ME3: variants seen among roughly 807,000 people sequenced by gnomAD.
The protein encoded by ME3 is malic enzyme 3, also known as NADP-dependent malic enzyme, mitochondrial.
Under a neutral mutation model 68.9 loss-of-function variants are expected in ME3, and 48 were observed. The ratio of observed to expected loss-of-function variants is 0.70; its 90% CI spans 0.55 to 0.89. ME3 has a LOEUF of 0.89. Among genes scored for constraint, ME3 ranks in the 40% least tolerant of loss-of-function variants. The pLI is 0.00. For synonymous variants in ME3, 320 were observed against 318.8 expected (o/e 1.00, Z -0.04); for missense variants, 675 against 797.4 (o/e 0.85, Z 1.85).
chr11:86,643,045 T>C (rs73528005), intron 2 of ME3, among the ~76,000 whole-genome samples: 104 of 152,342 alleles, frequency 6.8e-4, no homozygotes, highest in African/African-American at 2.4e-3. Context: ...ACTGCTGTTA[T>C]GGAGCTCAAG....
At chr11:86,646,706 A>C (rs936052376) in intron 2 of ME3, among the ~76,000 whole-genome samples, 6 of 152,196 alleles carry the variant, frequency 3.9e-5, no homozygotes, top group African/African-American at 1.2e-4. Flanking sequence ...AGAGAACAAA[A>C]CTAAGATAAT....
Position 86,450,479 on chromosome 11 carries a change from A to T in ME3, c.920-81T>A. On this transcript the variant is annotated intron_variant, in intron 8 of 14. Transcript: ENST00000543262. ...GAAGACCCTTGGCAGAGTTCCCCAC[A>T]TCTGGGACTGTGGAGGAACAGGCAA... The T allele has an allele frequency of 4.3e-6, 5 of 1,168,732 alleles. No homozygotes were observed. The South Asian group carries it at 6.5e-5, about 15-fold the overall frequency. 72.4% of individuals were successfully genotyped at this position (1,168,732 alleles called of 1,614,324 possible). A position where few individuals can be genotyped will look rare whatever the true frequency, so the allele number is the denominator to read the frequency against.
intron 2 of ME3, among the ~76,000 whole-genome samples, chr11:86,639,529 C>T (rs1193655740): frequency 7.1e-6 from 1 of 141,226 alleles, no homozygotes; most frequent in Non-Finnish European, 1.5e-5. Context: ...CCTTCCAAAG[C>T]AAGGGTTCAG....
downstream of ME3, among the ~76,000 whole-genome samples, chr11:86,439,771 T>C (rs975117894): frequency 6.6e-6 from 1 of 152,240 alleles, no homozygotes; most frequent in Admixed American, 6.5e-5. Context: ...TTGTTTTCTC[T>C]ACTATTGTTT....
At chr11:86,518,215 T>G (rs1954025869) in intron 4 of ME3, among the ~76,000 whole-genome samples, 1 of 151,394 alleles carries the variant, frequency 6.6e-6, no homozygotes. Flanking sequence ...TTGAAAACAC[T>G]TGGAGAAATT....
chr11:86,661,209 A>C (rs1274047816), intron 2 of ME3, among the ~76,000 whole-genome samples: 3 of 152,266 alleles, frequency 2.0e-5, no homozygotes, highest in Non-Finnish European at 4.4e-5. Flanking sequence ...GGAAAGAGCC[A>C]TGACTACTAC....
chr11:86,515,771 G>A (rs1300791716), intron 4 of ME3, among the ~76,000 whole-genome samples: 1 of 152,114 alleles, frequency 6.6e-6, no homozygotes, highest in Non-Finnish European at 1.5e-5. Context: ...AGCTGGGTCT[G>A]TTTCAATCTT....
At chr11:86,488,674 C>A (rs1178555389) in intron 6 of ME3, among the ~76,000 whole-genome samples, 2 of 152,184 alleles carry the variant, frequency 1.3e-5, no homozygotes, top group African/African-American at 2.4e-5. Flanking sequence ...TCCTGCCACC[C>A]CTACACAGAG....
At chr11:86,666,790 A>G (rs1030862957) in intron 2 of ME3, among the ~76,000 whole-genome samples, 3 of 152,222 alleles carry the variant, frequency 2.0e-5, no homozygotes, top group Non-Finnish European at 4.4e-5. Flanking sequence ...GAGAAGATAT[A>G]TTATGTAATC....
At chr11:86,458,400 C>T (rs1950053931) in intron 8 of ME3, among the ~76,000 whole-genome samples, 1 of 152,204 alleles carries the variant, frequency 6.6e-6, no homozygotes, top group Non-Finnish European at 1.5e-5. Flanking sequence ...CTCTAGAGGG[C>T]ACTTCTCTGG....
intron 2 of ME3, among the ~76,000 whole-genome samples, chr11:86,606,453 G>A (rs560946343): frequency 2.6e-5 from 4 of 152,288 alleles, no homozygotes; most frequent in Admixed American, 2.6e-4. Context: ...CAGAACACTG[G>A]CCCTGACCCT....
In ME3 at chr11:86,506,400, C is replaced by T. The variant is rs79252725; in HGVS notation, c.543+2392G>A. 5.6e-3 allele frequency among the ~76,000 whole-genome samples: 849 copies of T among 152,274 alleles called. 7 individuals are homozygous for T. The highest frequency in any genetic ancestry group is 0.019 in the African/African-American group (809 of 41,542). ...ACATCTTGGTTTCCCAACCACAATACGAAGCAATTTGAGGGCAGAGTCCAT... is the reference window on the plus strand; with the variant it reads ...ACATCTTGGTTTCCCAACCACAATATGAAGCAATTTGAGGGCAGAGTCCAT... On this transcript the variant is annotated intron_variant, in intron 5 of 14. Transcript: ENST00000543262.
chr11:86,473,876 A>G (rs568963400), intron 7 of ME3, among the ~76,000 whole-genome samples: 6 of 152,230 alleles, frequency 3.9e-5, no homozygotes, highest in Non-Finnish European at 8.8e-5. Context: ...AATCATAGGA[A>G]CGACTGTTTG....
At chr11:86,518,534 G>C (rs1470746895) in intron 4 of ME3, among the ~76,000 whole-genome samples, 1 of 152,116 alleles carries the variant, frequency 6.6e-6, no homozygotes, top group East Asian at 1.9e-4. Flanking sequence ...ATGCACAAAA[G>C]CATCTTGCTT....
rs1750906147 is a variant in ME3 at position 86,666,941 on chromosome 11, A to G, written c.183+4821T>C. On this transcript the variant is annotated intron_variant, in intron 2 of 14. Coordinates refer to ENST00000543262, the Ensembl canonical transcript of ME3. ...AAGTTCTAAGCTAGCAGAGAACAAA[A>G]TCATATACTTTATTCAAAGGCAAAT... 1.3e-5 allele frequency among the ~76,000 whole-genome samples: 2 copies of G among 152,242 alleles called. 1 individual carries two copies. The highest frequency in any genetic ancestry group is 4.1e-4 in the South Asian group (2 of 4,834).
intron 7 of ME3, among the ~76,000 whole-genome samples, chr11:86,468,510 G>T (rs1230486382): frequency 1.3e-5 from 2 of 152,146 alleles, no homozygotes; most frequent in African/African-American, 4.8e-5. Flanking sequence ...GTGATGATCT[G>T]ATACTATAGT....
chr11:86,500,632 C>T (rs1056437764), intron 5 of ME3, among the ~76,000 whole-genome samples: 18 of 152,130 alleles, frequency 1.2e-4, no homozygotes, highest in Non-Finnish European at 2.4e-4. Flanking sequence ...ATACTTAACT[C>T]TTTAATTATC....
chr11:86,639,666 A>G (rs560209489), intron 2 of ME3, among the ~76,000 whole-genome samples: 5 of 152,012 alleles, frequency 3.3e-5, no homozygotes, highest in African/African-American at 1.2e-4. Context: ...GTTGATCTTG[A>G]TGATATCTGG....
intron 2 of ME3, among the ~76,000 whole-genome samples, chr11:86,579,576 T>C (rs1456772769): frequency 1.3e-5 from 2 of 152,234 alleles, no homozygotes; most frequent in Admixed American, 1.3e-4. Flanking sequence ...TACCAGATGC[T>C]GAGTACTGTG....
Sources: gnomAD v4.1 joint callset for allele counts (sites outside exome capture counted in the v4.1 genomes callset) on GRCh38, gnomAD v4.1.1 for gene constraint, MANE v1.5 for transcripts, NCBI Gene and HGNC (gene_info 2026-07-23, HGNC 2026-07-21) for gene names.